The following ANO10 variants were observed in gnomAD, a reference collection of about 807,000 sequenced individuals.
ANO10 encodes anoctamin 10, also known as anoctamin-10.
ANO10 carries 77 observed loss-of-function variants against 74.7 expected under a neutral mutation model. The observed-to-expected ratio is 1.03, with a 90% CI of 0.86 to 1.25. ANO10 has a LOEUF of 1.25. Among genes scored for constraint, ANO10 ranks in the 50% most tolerant of loss-of-function variants. ANO10 has a pLI of 0.00. For missense variants in ANO10, 721 were observed against 778.1 expected, an observed-to-expected ratio of 0.93 and a Z score of 0.87; for synonymous variants, 279 against 284.9, an observed-to-expected ratio of 0.98 and a Z score of 0.21.
intron 1 of ANO10, among the ~76,000 whole-genome samples, chr3:43,673,010 T>C (rs1271795979): frequency 6.6e-6 from 1 of 152,240 alleles, no homozygotes; most frequent in Non-Finnish European, 1.5e-5. Flanking sequence ...GTACGATTAC[T>C]AGTTTTGCAC....
At chr3:43,408,450 T>C (rs1186914202) in intron 12 of ANO10, among the ~76,000 whole-genome samples, 2 of 152,184 alleles carry the variant, frequency 1.3e-5, no homozygotes, top group East Asian at 3.9e-4. Context: ...AAATGGGTTT[T>C]TCAACTTAGA....
chr3:43,460,802 C>T (rs1010944503), intron 11 of ANO10, among the ~76,000 whole-genome samples: 1 of 151,824 alleles, frequency 6.6e-6, no homozygotes, highest in Non-Finnish European at 1.5e-5. Flanking sequence ...AAAAAAAGGA[C>T]AGCAGCCTCA....
intron 11 of ANO10, among the ~76,000 whole-genome samples, chr3:43,477,921 A>T (rs976940351): frequency 1.3e-5 from 2 of 152,202 alleles, no homozygotes; most frequent in Admixed American, 6.5e-5. Context: ...ATAGGGAGTG[A>T]GGGAGGAATG....
chr3:43,680,673 A>G (rs927503019), intron 1 of ANO10, among the ~76,000 whole-genome samples: 11 of 152,222 alleles, frequency 7.2e-5, no homozygotes, highest in Admixed American at 2.6e-4. Context: ...TGTTAAGGGC[A>G]GCCAGAGAGA....
chr3:43,536,574 A>G (rs1270570668), intron 11 of ANO10, among the ~76,000 whole-genome samples: 3 of 152,190 alleles, frequency 2.0e-5, no homozygotes, highest in Admixed American at 2.0e-4. Context: ...ACAATACTCA[A>G]GATGAGCAGC....
intron 1 of ANO10, among the ~76,000 whole-genome samples, chr3:43,631,338 G>C (rs572481024): frequency 3.9e-5 from 6 of 152,256 alleles, no homozygotes; most frequent in Admixed American, 1.3e-4. Context: ...CCCACATTTT[G>C]TATGGTTTTG....
intron 9 of ANO10, among the ~76,000 whole-genome samples, chr3:43,557,473 C>T (rs548609705): frequency 2.0e-4 from 30 of 152,196 alleles, no homozygotes; most frequent in Admixed American, 9.8e-4. Flanking sequence ...CAGTGGCTCA[C>T]GCCTGTAATT....
chr3:43,488,094 G>A (rs1454198872), intron 11 of ANO10, among the ~76,000 whole-genome samples: 3 of 151,874 alleles, frequency 2.0e-5, no homozygotes, highest in Admixed American at 1.3e-4. Flanking sequence ...AATAAATGGT[G>A]CTGGGAAAAC....
At chr3:43,682,511 A>G (rs2084215100) in intron 1 of ANO10, among the ~76,000 whole-genome samples, 1 of 152,114 alleles carries the variant, frequency 6.6e-6, no homozygotes, top group Non-Finnish European at 1.5e-5. Flanking sequence ...ACAAGGAGGA[A>G]CTGGTACCAT....
chr3:43,574,117 AT>A (rs1014595609), intron 7 of ANO10, among the ~76,000 whole-genome samples: 1 of 147,554 alleles, frequency 6.8e-6, no homozygotes, highest in Non-Finnish European at 1.5e-5. Context: ...TACCCGGTGA[AT>A]TTTTTTTGTA....
At chr3:43,495,146 G>C (rs1315008178) in intron 11 of ANO10, among the ~76,000 whole-genome samples, 1 of 151,734 alleles carries the variant, frequency 6.6e-6, no homozygotes, top group Non-Finnish European at 1.5e-5. Flanking sequence ...TGGAAAAGAC[G>C]GTTTAATAAA....
intron 1 of ANO10, among the ~76,000 whole-genome samples, chr3:43,653,372 CA>C (rs2083810502): frequency 1.3e-5 from 2 of 152,224 alleles, no homozygotes; most frequent in East Asian, 3.9e-4. Context: ...CACCATGAAA[CA>C]CCTCTTTCCA....
intron 12 of ANO10, among the ~76,000 whole-genome samples, chr3:43,382,422 G>A (rs924063304): frequency 1.3e-5 from 2 of 151,814 alleles, no homozygotes; most frequent in Non-Finnish European, 2.9e-5. Context: ...GGGAGGCTGA[G>A]GCAGGAGAAT....
intron 11 of ANO10, among the ~76,000 whole-genome samples, chr3:43,449,532 T>TG (rs1413256957): frequency 6.7e-6 from 1 of 149,720 alleles, no homozygotes; most frequent in Non-Finnish European, 1.5e-5. Flanking sequence ...TTTTTTTTTT[T>TG]TTTGTATGTG....
chr3:43,526,159 T>A (rs1394137040), intron 11 of ANO10, among the ~76,000 whole-genome samples: 1 of 152,220 alleles, frequency 6.6e-6, no homozygotes, highest in Non-Finnish European at 1.5e-5. Flanking sequence ...GTCAGGGACA[T>A]GACTAACATA....
intron 1 of ANO10, among the ~76,000 whole-genome samples, chr3:43,610,995 C>T (rs2082789130): frequency 6.6e-6 from 1 of 152,186 alleles, no homozygotes; most frequent in South Asian, 2.1e-4. Context: ...GTCTAGTTCT[C>T]TACCCAATCC....
In ANO10 at chr3:43,554,617, G is replaced by A. The variant is rs372559574; in HGVS notation, c.1668+661C>T. ...TTCCAGCAAGGGAAGAGGGGATAAC[G>A]CCTTATTACTACCAGGTAGAGGTAG... On this transcript the variant is annotated intron_variant, in intron 10 of 12. Transcript: ENST00000292246. Among the ~76,000 whole-genome samples the A allele has an allele frequency of 1.3e-4, 20 of 152,192 alleles. No homozygotes were observed. The East Asian group carries it at 1.7e-3, about 13-fold the overall frequency.
At chr3:43,412,143 A>G (rs1044185851) in intron 12 of ANO10, among the ~76,000 whole-genome samples, 1 of 151,718 alleles carries the variant, frequency 6.6e-6, no homozygotes, top group East Asian at 1.9e-4. Flanking sequence ...GATGGCTCAA[A>G]TAAGATTCCT....
intron 1 of ANO10, among the ~76,000 whole-genome samples, chr3:43,632,288 G>A (rs1003540107): frequency 6.6e-6 from 1 of 152,170 alleles, no homozygotes; most frequent in South Asian, 2.1e-4. Context: ...TTGTCTTCTG[G>A]TTCCTGATTG....
Sources: allele counts gnomAD v4.1 joint callset (sites outside exome capture counted in the v4.1 genomes callset), GRCh38; gene constraint gnomAD v4.1.1; transcripts MANE v1.5; gene names NCBI Gene and HGNC (gene_info 2026-07-23, HGNC 2026-07-21).